The following FRA10AC1 variants were observed in gnomAD, a reference collection of about 807,000 sequenced individuals.
FRA10AC1 encodes the protein protein FRA10AC1.
FRA10AC1 carries 43 observed loss-of-function variants against 56.5 expected under a neutral mutation model. The ratio of observed to expected loss-of-function variants is 0.76; its 90% CI spans 0.60 to 0.98. FRA10AC1 has a LOEUF of 0.98. FRA10AC1 is among the 50% of genes least tolerant of loss of function. The pLI, the probability that FRA10AC1 is intolerant of heterozygous loss-of-function variation, is 0.00. For synonymous variants in FRA10AC1, 112 were observed against 110.5 expected (o/e 1.01, Z -0.09); for missense variants, 346 against 351.8 (o/e 0.98, Z 0.13).
At position 93,689,209 on chromosome 10, in the gene FRA10AC1, C is replaced by T. The variant is rs919525623; in HGVS notation, c.466-1760G>A. 2.0e-5 allele frequency among the ~76,000 whole-genome samples: 3 copies of T among 151,976 alleles called. No individual in the cohort carries two copies. The South Asian group carries it at 6.2e-4, about 32-fold the overall frequency. On this transcript the variant is annotated intron_variant, in intron 7 of 13. Coordinates refer to ENST00000359204, the MANE Select transcript of FRA10AC1 (RefSeq NM_145246.5). ...TCCTGGCCTCAAGCTATCCTCCCACCTCAGCCTCCCAAAGTACTGGGATTA... is the reference window on the plus strand; with the variant it reads ...TCCTGGCCTCAAGCTATCCTCCCACTTCAGCCTCCCAAAGTACTGGGATTA...
intron 9 of FRA10AC1, among the ~76,000 whole-genome samples, chr10:93,684,740 G>A (rs111564378): frequency 7.9e-5 from 12 of 152,238 alleles, no homozygotes; most frequent in African/African-American, 2.6e-4. Context: ...AAGAATGACA[G>A]ACTCTAAAAC....
At chr10:93,695,019 A>G in intron 4 of FRA10AC1, 82 bp from the exon 5 acceptor site, 1 of 700,188 alleles carries the variant, frequency 1.4e-6, no homozygotes, top group Admixed American at 2.3e-5. Context: ...GGTAAAAAAA[A>G]GCACAATATG....
intron 10 of FRA10AC1, among the ~76,000 whole-genome samples, chr10:93,682,335 C>A (rs755316340): frequency 6.6e-6 from 1 of 152,190 alleles, no homozygotes; most frequent in African/African-American, 2.4e-5. Flanking sequence ...AGTTAAAGTA[C>A]ATCTACTAAA....
At chr10:93,701,261 TAC>T (rs564453336) in intron 1 of FRA10AC1, among the ~76,000 whole-genome samples, 218 of 152,330 alleles carry the variant, frequency 1.4e-3, no homozygotes, top group Non-Finnish European at 2.3e-3. Flanking sequence ...ATAACTAATT[TAC>T]ATGGCTGGAA....
rs1043944090 is a variant in FRA10AC1 at position 93,676,648 on chromosome 10, C to G, written c.826+5G>C. On this transcript the variant is annotated splice_donor_5th_base_variant and intron_variant, in intron 12 of 13. Coordinates refer to ENST00000359204, the MANE Select transcript of FRA10AC1 (RefSeq NM_145246.5). ...ATTTTTATTAAATAAACACTTGTTA[C>G]TTACTAAGTAGAGAATCTTCAGATT... The G allele has an allele frequency of 5.8e-6, 9 of 1,556,304 alleles. No homozygotes were observed. The African/African-American group carries it at 1.1e-4, about 19-fold the overall frequency.
At chr10:93,697,854 T>C (rs1322955036) in intron 4 of FRA10AC1, among the ~76,000 whole-genome samples, 1 of 152,178 alleles carries the variant, frequency 6.6e-6, no homozygotes, top group Non-Finnish European at 1.5e-5. Context: ...TGTTGAAAGC[T>C]TGAAAAAACA....
At chr10:93,693,630 CAT>C (rs1316233656) in intron 5 of FRA10AC1, among the ~76,000 whole-genome samples, 2 of 124,150 alleles carry the variant, frequency 1.6e-5, no homozygotes. Context: ...ATATACACAC[CAT>C]ATATATACAC....
intron 7 of FRA10AC1, among the ~76,000 whole-genome samples, chr10:93,689,662 A>G (rs1389783760): frequency 6.6e-6 from 1 of 152,222 alleles, no homozygotes; most frequent in Non-Finnish European, 1.5e-5. Context: ...TTATAATCTT[A>G]TGAGGAAATA....
At chr10:93,698,972 G>A (rs1421250343) in intron 2 of FRA10AC1, among the ~76,000 whole-genome samples, 1 of 152,130 alleles carries the variant, frequency 6.6e-6, no homozygotes, top group Admixed American at 6.5e-5. Context: ...GCCCAGCACT[G>A]CTTCAGGCCA....
intron 1 of FRA10AC1, among the ~76,000 whole-genome samples, chr10:93,701,183 T>C (rs1351410000): frequency 6.6e-6 from 1 of 152,178 alleles, no homozygotes; most frequent in Non-Finnish European, 1.5e-5. Context: ...AAGAAGCTCC[T>C]AGTTCCAGCT....
chr10:93,693,250 T>C (rs1307624257), intron 5 of FRA10AC1, among the ~76,000 whole-genome samples: 1 of 147,416 alleles, frequency 6.8e-6, no homozygotes, highest in African/African-American at 2.5e-5. Flanking sequence ...TGTTGGGAGA[T>C]ATAGGATAAA....
intron 11 of FRA10AC1, 127 bp downstream of exon 11, chr10:93,681,353 C>A (rs2058930802): frequency 1.6e-6 from 1 of 624,898 alleles, no homozygotes; most frequent in Admixed American, 3.4e-5. Context: ...AAATTCTCAG[C>A]CAGTTTCCTC....
intron 11 of FRA10AC1, among the ~76,000 whole-genome samples, chr10:93,677,772 G>T (rs1032202006): frequency 6.6e-6 from 1 of 152,176 alleles, no homozygotes; most frequent in Non-Finnish European, 1.5e-5. Context: ...CTTGTTAGTA[G>T]ATCTGGAAGG....
chr10:93,676,184 T>G (rs924850731), intron 12 of FRA10AC1, among the ~76,000 whole-genome samples: 1 of 152,198 alleles, frequency 6.6e-6, no homozygotes, highest in African/African-American at 2.4e-5. Flanking sequence ...ATTCTGACTT[T>G]TTTAACCTTA....
At chr10:93,694,535 G>T (rs181489369) in intron 5 of FRA10AC1, among the ~76,000 whole-genome samples, 74 of 151,932 alleles carry the variant, frequency 4.9e-4, no homozygotes, top group African/African-American at 1.8e-3. Flanking sequence ...CCAAGATGGT[G>T]AAACCCCGTC....
intron 11 of FRA10AC1, among the ~76,000 whole-genome samples, chr10:93,679,193 G>C (rs939393325): frequency 6.6e-6 from 1 of 152,194 alleles, no homozygotes; most frequent in African/African-American, 2.4e-5. Flanking sequence ...ACATAAGAAA[G>C]AGATGTCTCA....
At chr10:93,689,605 TTCCAC>T (rs1321234734) in intron 7 of FRA10AC1, among the ~76,000 whole-genome samples, 1 of 152,218 alleles carries the variant, frequency 6.6e-6, no homozygotes, top group African/African-American at 2.4e-5. Context: ...GGGCTTGGCA[TTCCAC>T]TGAGGATAAA....
chr10:93,691,557 T>C (rs980656328), intron 7 of FRA10AC1, among the ~76,000 whole-genome samples: 1 of 152,242 alleles, frequency 6.6e-6, no homozygotes, highest in African/African-American at 2.4e-5. Context: ...ATTGAAATGT[T>C]AATTTTACTA....
intron 4 of FRA10AC1, among the ~76,000 whole-genome samples, chr10:93,697,291 G>A (rs991709328): frequency 1.3e-5 from 2 of 152,118 alleles, no homozygotes; most frequent in African/African-American, 4.8e-5. Flanking sequence ...TGAGATCCAT[G>A]GAAAAGCTAG....
Sources: allele counts gnomAD v4.1 joint callset (sites outside exome capture counted in the v4.1 genomes callset), GRCh38; gene constraint gnomAD v4.1.1; transcripts MANE v1.5; gene names NCBI Gene and HGNC (gene_info 2026-07-23, HGNC 2026-07-21).